The following CHM variants were observed in gnomAD, a reference collection of about 807,000 sequenced individuals.
The protein encoded by CHM is rab proteins geranylgeranyltransferase component A 1.
A neutral mutation model predicts 49.0 loss-of-function variants in CHM; 10 were observed. That is an observed-to-expected ratio of 0.20 (90% CI 0.13 to 0.35). The LOEUF (loss-of-function observed/expected upper bound fraction) is 0.35. Among genes scored for constraint, CHM ranks in the 10% least tolerant of loss-of-function variants. The pLI is 1.00. For synonymous variants in CHM, 184 were observed against 167.5 expected (o/e 1.10, Z -0.76); for missense variants, 455 against 478.4 (o/e 0.95, Z 0.46).
At chrX:85,997,751 A>C (rs1443976551) in intron 2 of CHM, among the ~76,000 whole-genome samples, 3 of 111,150 alleles carry the variant, frequency 2.7e-5, no homozygotes, top group Admixed American at 1.9e-4. Flanking sequence ...GGAGTTTGAG[A>C]CCAGGCTGGC....
intron 8 of CHM, among the ~76,000 whole-genome samples, chrX:85,912,823 G>A (rs1244015566): frequency 2.8e-5 from 3 of 108,830 alleles, no homozygotes; most frequent in Non-Finnish European, 3.8e-5. Context: ...AGACCAGCCT[G>A]GCTAACATGG....
intron 2 of CHM, among the ~76,000 whole-genome samples, chrX:86,016,521 C>T (rs1270265173): frequency 8.9e-6 from 1 of 112,612 alleles, no homozygotes; most frequent in Non-Finnish European, 1.9e-5. Context: ...AAAGCTCAGG[C>T]CGTGGCTTCA....
chrX:85,950,666 C>T (rs748381859), intron 8 of CHM, among the ~76,000 whole-genome samples: 2 of 111,147 alleles, frequency 1.8e-5, no homozygotes, highest in African/African-American at 6.5e-5. Flanking sequence ...GATAAATTTC[C>T]AAAACAATAA....
chrX:85,960,239 A>T (rs1000420091), intron 5 of CHM, among the ~76,000 whole-genome samples: 1 of 111,919 alleles, frequency 8.9e-6, no homozygotes, highest in African/African-American at 3.2e-5. Context: ...AAACATTAAG[A>T]TATAAAATAT....
chrX:86,030,957 T>G lies in CHM; in HGVS notation c.50-3400A>C, dbSNP rs957986420. 2.4e-4 allele frequency among the ~76,000 whole-genome samples: 26 copies of G among 110,226 alleles called. No individual in the cohort carries two copies. In the Admixed American group the frequency reaches 2.4e-3, roughly 10 times the overall value. ...TTTTTTTTTTAATAACCACGTAATA[T>G]TCCCTTATATGGATATATCACATTT... is the stretch of plus-strand genomic sequence containing the variant. On this transcript the variant is annotated intron_variant, in intron 1 of 14. Transcript: ENST00000357749.
At chrX:85,973,920 C>A (rs1351788081) in intron 4 of CHM, among the ~76,000 whole-genome samples, 4 of 111,666 alleles carry the variant, frequency 3.6e-5, no homozygotes, top group African/African-American at 6.5e-5. Context: ...AACCAACAAA[C>A]AAAAAAGCAG....
chrX:86,001,794 T>A (rs188524783), intron 2 of CHM, among the ~76,000 whole-genome samples: 1 of 109,949 alleles, frequency 9.1e-6, no homozygotes, highest in African/African-American at 3.3e-5. Context: ...CCGAGCCACA[T>A]CACAGCCCAT....
intron 4 of CHM, among the ~76,000 whole-genome samples, chrX:85,978,497 T>C (rs1393347269): frequency 8.9e-6 from 1 of 111,870 alleles, no homozygotes; most frequent in Non-Finnish European, 1.9e-5. Flanking sequence ...TTAATACTAC[T>C]ATCTGCCCTA....
At chrX:85,917,480 A>C (rs943768538) in intron 8 of CHM, among the ~76,000 whole-genome samples, 8 of 111,630 alleles carry the variant, frequency 7.2e-5, no homozygotes, top group Admixed American at 2.9e-4. Flanking sequence ...AACAAACAAA[A>C]TACAATTCTG....
At chrX:86,039,452 G>C (rs1444235286) in intron 1 of CHM, among the ~76,000 whole-genome samples, 1 of 93,279 alleles carries the variant, frequency 1.1e-5, no homozygotes, top group Non-Finnish European at 2.1e-5. Flanking sequence ...AATATAAAAT[G>C]ATTAAAACCA....
In CHM at chrX:85,866,798, C is replaced by T. The variant is rs200771780; in HGVS notation, c.1771-1977G>A. Among the ~76,000 whole-genome samples the T allele has an allele frequency of 6.2e-5, 7 of 113,251 alleles. No homozygotes were observed. The East Asian group carries it at 1.1e-3, about 18-fold the overall frequency. ...GGAGCTTTAAGATTTAATGACTGCC[C>T]GGCTGGGTTTTGGACTTGCATGGGG... On this transcript the variant is annotated intron_variant, in intron 14 of 14. Transcript: ENST00000357749.
intron 2 of CHM, among the ~76,000 whole-genome samples, chrX:86,005,519 A>C (rs1212092776): frequency 8.9e-6 from 1 of 111,929 alleles, no homozygotes; most frequent in African/African-American, 3.3e-5. Flanking sequence ...GAGAGCTAGA[A>C]AGACTAATAA....
At chrX:85,945,790 T>C (rs749149725) in intron 8 of CHM, among the ~76,000 whole-genome samples, 13 of 110,642 alleles carry the variant, frequency 1.2e-4, no homozygotes, top group South Asian at 3.9e-4. Context: ...CAGAAGAAGA[T>C]AGTAAGATGA....
intron 8 of CHM, among the ~76,000 whole-genome samples, chrX:85,954,841 G>A (rs1433728082): frequency 7.6e-5 from 8 of 104,664 alleles, no homozygotes; most frequent in Admixed American, 1.0e-4. Context: ...GCAGTGAGCC[G>A]AGATCACACC....
intron 1 of CHM, among the ~76,000 whole-genome samples, chrX:86,038,343 C>T (rs1454247626): frequency 9.0e-5 from 10 of 111,680 alleles, no homozygotes; most frequent in African/African-American, 2.9e-4. Context: ...GACTATTCCT[C>T]ATTTGTCTCT....
intron 2 of CHM, among the ~76,000 whole-genome samples, chrX:85,993,439 C>G (rs1312518200): frequency 3.6e-5 from 4 of 111,578 alleles, no homozygotes; most frequent in Non-Finnish European, 5.7e-5. Flanking sequence ...ATTTCAGGCC[C>G]TCACTCCCTC....
chrX:86,043,446 C>T (rs1231347888), intron 1 of CHM, among the ~76,000 whole-genome samples: 1 of 108,742 alleles, frequency 9.2e-6, no homozygotes, highest in Admixed American at 9.8e-5. Context: ...TGCTCTGTTG[C>T]CCAGGCTGAA....
chrX:86,045,173 C>T (rs1349209144), intron 1 of CHM, among the ~76,000 whole-genome samples: 1 of 111,991 alleles, frequency 8.9e-6, no homozygotes, highest in Non-Finnish European at 1.9e-5. Context: ...TGCATTATTG[C>T]TTCTACTTTT....
intron 2 of CHM, among the ~76,000 whole-genome samples, chrX:86,022,486 C>T (rs1009421858): frequency 1.8e-5 from 2 of 111,271 alleles, no homozygotes; most frequent in Non-Finnish European, 3.8e-5. Context: ...AATCTACACC[C>T]TCCTGCTTTT....
Sources: gnomAD v4.1 joint callset for allele counts (sites outside exome capture counted in the v4.1 genomes callset) on GRCh38, gnomAD v4.1.1 for gene constraint, MANE v1.5 for transcripts, NCBI Gene and HGNC (gene_info 2026-07-23, HGNC 2026-07-21) for gene names.